Variants in IPO11 observed in about 807,000 individuals in gnomAD.
IPO11 encodes the protein importin 11.
IPO11 carries 66 observed loss-of-function variants against 143.2 expected under a neutral mutation model. The observed-to-expected ratio is 0.46, with a 90% CI of 0.38 to 0.57. The LOEUF is 0.57. Ranked by LOEUF, IPO11 falls within the 20% of genes least tolerant of loss-of-function variation. The pLI is 0.00. For synonymous variants in IPO11, 385 were observed against 377.8 expected (o/e 1.02, Z -0.22); for missense variants, 1,026 against 1,141.0 (o/e 0.90, Z 1.45).
chr5:62,541,296 G>T (rs1043610854), intron 24 of IPO11, among the ~76,000 whole-genome samples: 2 of 151,858 alleles, frequency 1.3e-5, no homozygotes, highest in Admixed American at 6.6e-5. Context: ...GCTTGAACCC[G>T]GGAGGCAGAG....
At position 62,537,231 on chromosome 5, in the gene IPO11, A is replaced by C; in HGVS notation, c.2192A>C (p.Gln731Pro). Residue 731 changes from glutamine to proline, a missense_variant, in exon 24 of 30, where the codon CAG becomes CCG. Gln to Pro is a moderately conservative substitution (Grantham distance 76). Around this residue, in one of 5 missense-constraint regions of IPO11, gnomAD observed 351 missense variants for 358.9 expected, o/e 0.98. Coordinates refer to ENST00000325324, the MANE Select transcript of IPO11 (RefSeq NM_016338.5). ...FLQTYAVGLC[Q>P]SFCELLKEIT... The stretch of plus-strand genomic sequence containing the variant: ...CAGACATACGCAGTAGGTCTATGCC[A>C]GTCCTTTTGTGAACTTTTAAAGGAA... 1 of 1,606,224 alleles carries C rather than the reference A, an allele frequency of 6.2e-7. No individual in the cohort carries two copies. Among genetic ancestry groups the C allele is most frequent in the South Asian group, 1.1e-5 (1 of 90,448 alleles).
chr5:62,526,783 C>G (rs1742382885), intron 21 of IPO11: 1 of 152,328 alleles, frequency 6.6e-6, no homozygotes. Flanking sequence ...GTGTAAGCAA[C>G]TGTGCTAGAA....
At chr5:62,514,795 A>G (rs1580271511) in intron 19 of IPO11, among the ~76,000 whole-genome samples, 1 of 152,264 alleles carries the variant, frequency 6.6e-6, no homozygotes, top group Non-Finnish European at 1.5e-5. Flanking sequence ...GCTGTGCTCC[A>G]GGGTAAAATG....
At chr5:62,554,124 T>G (rs751130169) in intron 26 of IPO11, among the ~76,000 whole-genome samples, 6 of 152,216 alleles carry the variant, frequency 3.9e-5, no homozygotes, top group Non-Finnish European at 8.8e-5. Context: ...TTAAAATGGA[T>G]TATTATTTTT....
chr5:62,503,465 A>G (rs1397671142), intron 16 of IPO11, among the ~76,000 whole-genome samples: 1 of 150,408 alleles, frequency 6.6e-6, no homozygotes, highest in African/African-American at 2.4e-5. Context: ...TTTAATATCT[A>G]TTCCTCTCCT....
Position 62,502,420 on chromosome 5 carries a change from T to A in IPO11, c.1591-2247T>A, listed in dbSNP as rs187119685. Among the ~76,000 whole-genome samples the A allele has an allele frequency of 1.2e-4, 19 of 152,364 alleles. No homozygotes were observed. The South Asian group carries it at 2.9e-3, about 23-fold the overall frequency. ...TTTCTTTGTGGTAAGTACCTCTTAT[T>A]TCTTTTAAAGCTCAGGAAGAGCCGA... On this transcript the variant is annotated intron_variant, in intron 16 of 29. Transcript: ENST00000325324.
intron 1 of IPO11, among the ~76,000 whole-genome samples, chr5:62,431,070 G>A (rs2112116214): frequency 6.6e-6 from 1 of 151,900 alleles, no homozygotes; most frequent in Non-Finnish European, 1.5e-5. Context: ...TCCGCCTCCT[G>A]GATTCAAGTG....
rs1304002143 is a variant in IPO11, at chr5:62,489,293, A to T, written c.1310-9A>T. ...TTTACTGATACCTATTTATATATATATTTTTTAGGACCCACAAATGTGGAA... is the reference window on the plus strand; with the variant it reads ...TTTACTGATACCTATTTATATATATTTTTTTTAGGACCCACAAATGTGGAA... On this transcript the variant is annotated splice_polypyrimidine_tract_variant and intron_variant, in intron 13 of 29. Transcript: ENST00000325324. The T allele has an allele frequency of 2.0e-6, 3 of 1,499,708 alleles. No individual in the cohort carries two copies. Among genetic ancestry groups the T allele is most frequent in the Non-Finnish European group, 1.8e-6 (2 of 1,110,768 alleles). 92.9% of individuals were successfully genotyped at this position (1,499,708 alleles called of 1,614,324 possible).
At chr5:62,538,739 A>T (rs1232410071) in intron 24 of IPO11, among the ~76,000 whole-genome samples, 2 of 151,578 alleles carry the variant, frequency 1.3e-5, no homozygotes, top group African/African-American at 4.9e-5. Context: ...TACCATCTAG[A>T]TTTGCGTAAG....
chr5:62,522,628 T>C (rs780775084), intron 20 of IPO11, among the ~76,000 whole-genome samples: 1 of 152,206 alleles, frequency 6.6e-6, no homozygotes, highest in Non-Finnish European at 1.5e-5. Context: ...TTGGGTTTTG[T>C]AGGAGAATGT....
At chr5:62,514,452 C>A (rs375653537) in intron 19 of IPO11, among the ~76,000 whole-genome samples, 2 of 151,958 alleles carry the variant, frequency 1.3e-5, no homozygotes, top group East Asian at 3.9e-4. Flanking sequence ...ACCAGTCAGG[C>A]GTGGCGGCGC....
intron 6 of IPO11, among the ~76,000 whole-genome samples, chr5:62,467,735 C>T (rs981679749): frequency 2.6e-5 from 4 of 152,074 alleles, no homozygotes; most frequent in African/African-American, 9.7e-5. Flanking sequence ...TATAGGATGC[C>T]ATCTTGGCCT....
At chr5:62,449,312 G>A (rs776677486) in intron 3 of IPO11, among the ~76,000 whole-genome samples, 4 of 152,046 alleles carry the variant, frequency 2.6e-5, no homozygotes, top group African/African-American at 4.8e-5. Flanking sequence ...TTTCTCATAC[G>A]CAGTCAAAAT....
intron 24 of IPO11, among the ~76,000 whole-genome samples, chr5:62,545,226 G>A (rs1396240603): frequency 1.3e-5 from 2 of 152,146 alleles, no homozygotes; most frequent in South Asian, 2.1e-4. Flanking sequence ...AACCAAAACA[G>A]CATGGTACTG....
chr5:62,438,269 A>G (rs547780538), intron 2 of IPO11, among the ~76,000 whole-genome samples: 1 of 152,310 alleles, frequency 6.6e-6, no homozygotes, highest in South Asian at 2.1e-4. Flanking sequence ...TGTTCATGAC[A>G]GTAAGGGAAA....
chr5:62,426,931 G>GTTTTTTTTTTTTTTTTTTTTTT (rs763031944), intron 1 of IPO11, among the ~76,000 whole-genome samples: 2 of 90,244 alleles, frequency 2.2e-5, no homozygotes, highest in South Asian at 4.3e-4. Context: ...TTTTCTTTCT[G>GTTTTTTTTTTTTTTTTTTTTTT]TTTTTTTTTT....
intron 26 of IPO11, 35 bp from the exon 27 acceptor site, chr5:62,561,101 T>C (rs1471747379): frequency 5.8e-6 from 9 of 1,564,028 alleles, no homozygotes; most frequent in East Asian, 2.3e-5. Context: ...AAACATATTT[T>C]AGGTATTTTG....
intron 4 of IPO11, among the ~76,000 whole-genome samples, chr5:62,450,508 A>G (rs1164094422): frequency 2.0e-5 from 3 of 152,230 alleles, no homozygotes; most frequent in Non-Finnish European, 4.4e-5. Flanking sequence ...CAACTATTAC[A>G]CATTCTGTGA....
intron 26 of IPO11, among the ~76,000 whole-genome samples, chr5:62,558,038 T>TG (rs1395378024): frequency 9.2e-5 from 14 of 152,200 alleles, no homozygotes; most frequent in Admixed American, 2.6e-4. Context: ...TAAAAGTGTG[T>TG]TTTGAATCCT....
Sources: gnomAD v4.1 joint callset for allele counts (sites outside exome capture counted in the v4.1 genomes callset) on GRCh38, gnomAD v4.1.1 for gene constraint, gnomAD v4.1.1 regional missense constraint, MANE v1.5 for transcripts, NCBI Gene and HGNC (gene_info 2026-07-23, HGNC 2026-07-21) for gene names.